SLC29A2: variants seen among roughly 807,000 people sequenced by gnomAD.
SLC29A2 encodes solute carrier family 29 member 2.
Under a neutral mutation model 48.8 loss-of-function variants are expected in SLC29A2, and 37 were observed. The ratio of observed to expected loss-of-function variants is 0.76; its 90% confidence interval spans 0.58 to 1.00. The LOEUF (loss-of-function observed/expected upper bound fraction) is 1.00, where lower values mean the gene tolerates loss of function less well. Among genes scored for constraint, SLC29A2 ranks in the 50% least tolerant of loss-of-function variants. The pLI, the probability that SLC29A2 is intolerant of heterozygous loss-of-function variation, is 0.00. For missense variants in SLC29A2, 533 were observed against 578.6 expected, an observed-to-expected ratio of 0.92 and a Z score of 0.81; for synonymous variants, 233 against 261.7, an observed-to-expected ratio of 0.89 and a Z score of 1.06.
intron 4 of SLC29A2, 40 bp downstream of exon 4, chr11:66,369,020 C>T (rs775014107): frequency 2.5e-6 from 4 of 1,582,212 alleles, no homozygotes; most frequent in Admixed American, 1.8e-5. Flanking sequence ...CAGGCTGAAG[C>T]CCTGCATAGG....
intron 11 of SLC29A2, 110 bp downstream of exon 11, chr11:66,364,114 TG>T: frequency 1.1e-6 from 1 of 915,746 alleles, no homozygotes; most frequent in Non-Finnish European, 1.7e-6. Flanking sequence ...CAGCTAGGGT[TG>T]GGCTGGCCAG....
At chr11:66,369,564 A>C in intron 2 of SLC29A2, 32 bp from the exon 3 acceptor site, 1 of 1,612,526 alleles carries the variant, frequency 6.2e-7, no homozygotes, top group Non-Finnish European at 8.5e-7. Flanking sequence ...GAGGGTCAGC[A>C]CCTCTCAGCC....
At position 66,363,055 on chromosome 11, in the gene SLC29A2, C is replaced by T. The variant is rs1314696738; in HGVS notation, c.*381G>A. On this transcript the variant is annotated 3_prime_UTR_variant, in exon 12 of 12. Transcript: ENST00000357440. ...GTGGCTGAGGCCTGGGAAGATGAGG[C>T]GCTCCTGGCCTGGGCTGGCCCCGCC... 3 of 304,722 alleles carry T rather than the reference C, an allele frequency of 9.8e-6. No individual in the cohort carries two copies. Among genetic ancestry groups the T allele is most frequent in the Admixed American group, 4.5e-5 (1 of 22,452 alleles). The allele number at this position is 304,722 out of a possible 1,614,324, so 18.9% of individuals were successfully genotyped here. A position where few individuals can be genotyped will look rare whatever the true frequency, so the allele number is the denominator to read the frequency against.
chr11:66,365,370 C>T (rs1164983406), intron 10 of SLC29A2, among the ~76,000 whole-genome samples: 1 of 152,196 alleles, frequency 6.6e-6, no homozygotes, highest in African/African-American at 2.4e-5. Context: ...CAGGGACTGG[C>T]CTGGGGCTCA....
chr11:66,370,159 G>A (rs1379973561), intron 2 of SLC29A2, among the ~76,000 whole-genome samples: 2 of 152,130 alleles, frequency 1.3e-5, no homozygotes, highest in East Asian at 1.9e-4. Context: ...CTGTCGCCTC[G>A]GCCTGGAATG....
chr11:66,369,602 T>G (rs1855918133), intron 2 of SLC29A2, 70 bp from the exon 3 acceptor site: 4 of 1,562,842 alleles, frequency 2.6e-6, no homozygotes, highest in Admixed American at 1.7e-5. Context: ...CCCTCACTTG[T>G]GATTGCTTTC....
intron 5 of SLC29A2, 42 bp from the exon 6 acceptor site, chr11:66,367,911 C>T (rs949611209): frequency 1.2e-5 from 19 of 1,544,350 alleles, no homozygotes; most frequent in Admixed American, 5.2e-5. Flanking sequence ...CACCTGGTCC[C>T]GCCGGCTCCC....
At chr11:66,368,810 G>T in intron 4 of SLC29A2, 139 bp from the exon 5 acceptor site, 1 of 1,219,652 alleles carries the variant, frequency 8.2e-7, no homozygotes, top group Non-Finnish European at 1.2e-6. Context: ...CTGAGCACTC[G>T]GGGGCAACAC....
chr11:66,363,427 G>A lies in SLC29A2; in HGVS notation c.*9C>T, dbSNP rs778565211. On this transcript the variant is annotated 3_prime_UTR_variant, in exon 12 of 12. Coordinates refer to ENST00000357440, the MANE Select transcript of SLC29A2 (RefSeq NM_001532.3). ...AGAAGAGGCTGCCAAAGAGCCTGGA[G>A]GGGCCACTTCAGAGCAGCGCCTTGA... The A allele has an allele frequency of 5.0e-6, 8 of 1,596,954 alleles. No individual in the cohort carries two copies. Among genetic ancestry groups the A allele is most frequent in the South Asian group, 1.1e-5 (1 of 90,678 alleles).
rs1855445977 is a variant in SLC29A2, at chr11:66,362,547, A to G, written c.*889T>C. The G allele has an allele frequency of 1.3e-5, 2 of 152,398 alleles. No homozygotes were observed. The highest frequency in any genetic ancestry group is 2.4e-5 in the African/African-American group (1 of 41,588). The allele number at this position is 152,398 out of a possible 1,614,324, so 9.4% of individuals were successfully genotyped here. ...ACAAATAAATGGGGTTATTAGACCCAAGAGCAGGGTCAGAAGGAGAAACAG... is the reference window on the plus strand; with the variant it reads ...ACAAATAAATGGGGTTATTAGACCCGAGAGCAGGGTCAGAAGGAGAAACAG... On this transcript the variant is annotated 3_prime_UTR_variant, in exon 12 of 12. Coordinates refer to ENST00000357440, the MANE Select transcript of SLC29A2 (RefSeq NM_001532.3).
chr11:66,370,158 C>T (rs1012917560), intron 2 of SLC29A2, among the ~76,000 whole-genome samples: 7 of 152,350 alleles, frequency 4.6e-5, no homozygotes, highest in South Asian at 2.1e-4. Flanking sequence ...GCTGTCGCCT[C>T]GGCCTGGAAT....
At chr11:66,364,651 C>T (rs1045449798) in intron 10 of SLC29A2, 8 of 513,476 alleles carry the variant, frequency 1.6e-5, no homozygotes, top group Admixed American at 9.8e-5. Context: ...ACTATAGGCG[C>T]CTGCCACCAC....
At chr11:66,368,449 G>C (rs1855832820) in intron 5 of SLC29A2, 88 bp downstream of exon 5, 2 of 1,557,496 alleles carry the variant, frequency 1.3e-6, no homozygotes, top group East Asian at 4.5e-5. Context: ...TCTTCACCCA[G>C]AACCCATGTG....
At chr11:66,369,571 AGCCTTCCCCCGCT>A (rs769144295) in intron 2 of SLC29A2, 39 bp from the exon 3 acceptor site, 2 of 1,611,256 alleles carry the variant, frequency 1.2e-6, no homozygotes, top group Non-Finnish European at 8.5e-7. Context: ...AGCACCTCTC[AGCCTTCCCCCGCT>A]GCCTTCCCCC....
intron 10 of SLC29A2, among the ~76,000 whole-genome samples, chr11:66,365,243 G>T (rs1590649162): frequency 6.6e-6 from 1 of 150,658 alleles, no homozygotes; most frequent in Non-Finnish European, 1.5e-5. Context: ...CACCACGCCT[G>T]GCCCACCCAT....
Position 66,371,434 on chromosome 11 carries a change from T to C in SLC29A2, c.30-109A>G, listed in dbSNP as rs117047999. On this transcript the variant is annotated intron_variant, in intron 1 of 11. Transcript: ENST00000357440. ...CGGACTACAACCCCGATCACCCCGG[T>C]TCCGGCGGCCGAGGGAGTCGGCTGA... The C allele has an allele frequency of 2.9e-5, 43 of 1,508,252 alleles. No homozygotes were observed. The East Asian group carries it at 9.3e-4, about 33-fold the overall frequency. The allele number at this position is 1,508,252 out of a possible 1,614,324, so 93.4% of individuals were successfully genotyped here. A position where few individuals can be genotyped will look rare whatever the true frequency, so the allele number is the denominator to read the frequency against.
chr11:66,371,496 C>T, intron 1 of SLC29A2, 67 bp downstream of exon 1: 2 of 1,534,244 alleles, frequency 1.3e-6, no homozygotes, highest in East Asian at 4.9e-5. Context: ...CTCTGAGCCT[C>T]GGAGCGCCTT....
chr11:66,372,330 A>T (rs1375285334), upstream of SLC29A2: 1 of 152,250 alleles, frequency 6.6e-6, no homozygotes, highest in Non-Finnish European at 1.5e-5. Flanking sequence ...AAATTTGAAA[A>T]GACTATAAAT....
Position 66,371,317 on chromosome 11 carries a change from A to G in SLC29A2, c.38T>C (p.Leu13Pro). The G allele has an allele frequency of 6.2e-7, 1 of 1,613,810 alleles. No homozygotes were observed. Among genetic ancestry groups the G allele is most frequent in the Non-Finnish European group, 8.5e-7 (1 of 1,179,966 alleles). The change falls in exon 2 of 12, where the codon CTG (leucine) becomes CCG (proline). Residue 13 changes from leucine (L) to proline (P), a missense_variant. By Grantham distance (98) the Leu-to-Pro change is moderately conservative (BLOSUM62 -3). Transcript: ENST00000357440. ...RGDAPRDSYH[L>P]VGISFFILGL... ...CAGGATGAAGAAGCTGATCCCGACC[A>G]GGTGGTAGCTGTGGGGATCGGTGGG...
Sources: allele counts gnomAD v4.1 joint callset (sites outside exome capture counted in the v4.1 genomes callset), GRCh38; gene constraint gnomAD v4.1.1; transcripts MANE v1.5; gene names NCBI Gene and HGNC (gene_info 2026-07-23, HGNC 2026-07-21).